PAX7: variants seen among roughly 807,000 people sequenced by gnomAD.
The protein encoded by PAX7 is paired box protein Pax-7.
PAX7 carries 18 observed loss-of-function variants against 50.7 expected under a neutral mutation model. That is an observed-to-expected ratio of 0.36 (90% CI 0.25 to 0.53). The LOEUF (loss-of-function observed/expected upper bound fraction) is 0.53, where lower values mean the gene tolerates loss of function less well. Among genes scored for constraint, PAX7 ranks in the 20% least tolerant of loss-of-function variants. The pLI, the probability that PAX7 is intolerant of heterozygous loss-of-function variation, is 0.93. For missense variants in PAX7, 644 were observed against 702.9 expected, an observed-to-expected ratio of 0.92 and a Z score of 0.95; for synonymous variants, 310 against 290.4, an observed-to-expected ratio of 1.07 and a Z score of -0.69.
At chr1:18,646,354 G>A (rs1020444348) in intron 4 of PAX7, among the ~76,000 whole-genome samples, 1 of 152,056 alleles carries the variant, frequency 6.6e-6, no homozygotes, top group African/African-American at 2.4e-5. Flanking sequence ...CCTGTTACAG[G>A]CAATTACTGC....
intron 4 of PAX7, among the ~76,000 whole-genome samples, chr1:18,666,192 C>T (rs1260423627): frequency 6.6e-6 from 1 of 152,192 alleles, no homozygotes; most frequent in Non-Finnish European, 1.5e-5. Context: ...AGTTCATTTG[C>T]ACCTCCTTTC....
chr1:18,746,054 C>T lies in PAX7; in HGVS notation c.*1125C>T, dbSNP rs1174074914. 2 of 231,500 alleles carry T rather than the reference C, an allele frequency of 8.6e-6. No individual in the cohort carries two copies. The highest frequency in any genetic ancestry group is 2.2e-5 in the African/African-American group (1 of 45,246). The allele number at this position is 231,500 out of a possible 1,614,324, so 14.3% of individuals were successfully genotyped here. On this transcript the variant is annotated 3_prime_UTR_variant, in exon 9 of 9. Transcript: ENST00000420770. The stretch of plus-strand genomic sequence containing the variant: ...CCTCTAGGAAGAGGTCTCCATCTTC[C>T]CCAAACCCCTTTCAGTTTGTGGGGA...
In PAX7 at chr1:18,698,455, C is replaced by G. The variant is rs189074790; in HGVS notation, c.787-2198C>G. ...CACCAAACTGAGACCCCTCTTCCCCCCTTCTCCATGCCCAGGAGGCCTGGG... is the reference window on the plus strand; with the variant it reads ...CACCAAACTGAGACCCCTCTTCCCCGCTTCTCCATGCCCAGGAGGCCTGGG... On this transcript the variant is annotated intron_variant, in intron 5 of 8. Coordinates refer to ENST00000420770, the MANE Select transcript of PAX7 (RefSeq NM_001135254.2). Among the ~76,000 whole-genome samples the G allele has an allele frequency of 3.7e-3, 562 of 152,318 alleles. 3 individuals are homozygous for G. Among genetic ancestry groups the G allele is most frequent in the South Asian group, 0.014 (68 of 4,828 alleles).
At chr1:18,736,149 C>A (rs55742214) in intron 8 of PAX7, 32,861 of 627,102 alleles carry the variant, frequency 0.052, 1,033 homozygotes, top group East Asian at 0.066. Flanking sequence ...CTTAACATTT[C>A]TAGTGGCCAC....
At chr1:18,650,327 G>C (rs902925684) in intron 4 of PAX7, among the ~76,000 whole-genome samples, 5 of 152,274 alleles carry the variant, frequency 3.3e-5, no homozygotes, top group African/African-American at 1.2e-4. Flanking sequence ...CTGGTCAAGA[G>C]ACACTGACAT....
chr1:18,657,711 G>A (rs1041196919), intron 4 of PAX7, among the ~76,000 whole-genome samples: 7 of 152,086 alleles, frequency 4.6e-5, no homozygotes, highest in African/African-American at 1.7e-4. Context: ...CGACTGCAGT[G>A]GTGGTGTGTT....
intron 3 of PAX7, among the ~76,000 whole-genome samples, chr1:18,635,877 G>A (rs1169579138): frequency 1.3e-5 from 2 of 152,008 alleles, no homozygotes; most frequent in East Asian, 3.9e-4. Flanking sequence ...ATGCACACCT[G>A]AGTGTGGGAG....
chr1:18,634,179 G>A lies in PAX7; in HGVS notation c.86-124G>A, dbSNP rs551556754. The stretch of plus-strand genomic sequence containing the variant: ...CCGAAGCCCCAGTGTGAGGACCACC[G>A]GGATTGCTGTCTGAGGTCTTGGGGC... On this transcript the variant is annotated intron_variant, in intron 1 of 8. Coordinates refer to ENST00000420770, the MANE Select transcript of PAX7 (RefSeq NM_001135254.2). This position sits in a 1 kb window ranked among gnomAD's most constrained non-coding sequence, Gnocchi z 4.0. The A allele has an allele frequency of 7.5e-5, 52 of 692,444 alleles. No homozygotes were observed. The highest frequency in any genetic ancestry group is 2.5e-4 in the Middle Eastern group (1 of 4,056). The allele number at this position is 692,444 out of a possible 1,614,324, so 42.9% of individuals were successfully genotyped here. A position where few individuals can be genotyped will look rare whatever the true frequency, so the allele number is the denominator to read the frequency against.
chr1:18,679,090 C>T (rs1346187860), intron 4 of PAX7, among the ~76,000 whole-genome samples: 2 of 152,178 alleles, frequency 1.3e-5, no homozygotes, highest in East Asian at 1.9e-4. Context: ...ACACCAGCAG[C>T]GGTTTGAACG....
rs560409446 is a variant in PAX7, at chr1:18,707,917, G to C, written c.1155+4621G>C. ...CTCATGTGGTGGATGAGAAAACTGA[G>C]GCCAATGACTCAGGTTAGGGACCAA... On this transcript the variant is annotated intron_variant, in intron 7 of 8. Coordinates refer to ENST00000420770, the MANE Select transcript of PAX7 (RefSeq NM_001135254.2). Among the ~76,000 whole-genome samples the C allele has an allele frequency of 3.6e-4, 55 of 152,184 alleles. 3 individuals are homozygous for C. In the South Asian group the frequency reaches 0.011, roughly 31 times the overall value.
chr1:18,734,314 C>T (rs1406723287), intron 7 of PAX7, among the ~76,000 whole-genome samples: 1 of 152,126 alleles, frequency 6.6e-6, no homozygotes, highest in Non-Finnish European at 1.5e-5. Context: ...CAGGGTCTTC[C>T]TCCCATAAAG....
At chr1:18,703,006 G>T in intron 6 of PAX7, 88 bp from the exon 7 acceptor site, 2 of 1,177,698 alleles carry the variant, frequency 1.7e-6, no homozygotes, top group Non-Finnish European at 2.5e-6. Flanking sequence ...ACCGGGAGGA[G>T]GAGTCTCTTG....
At chr1:18,687,274 C>T (rs1057223160) in intron 4 of PAX7, among the ~76,000 whole-genome samples, 4 of 151,992 alleles carry the variant, frequency 2.6e-5, no homozygotes, top group South Asian at 4.2e-4. Flanking sequence ...ATTTTTATAG[C>T]GGAGAAAACC....
chr1:18,674,234 G>A (rs1205770173), intron 4 of PAX7, among the ~76,000 whole-genome samples: 1 of 152,224 alleles, frequency 6.6e-6, no homozygotes, highest in East Asian at 1.9e-4. Context: ...TCTTGGAGCG[G>A]AAACAGGGTT....
chr1:18,672,459 A>G (rs1329871145), intron 4 of PAX7, among the ~76,000 whole-genome samples: 1 of 152,146 alleles, frequency 6.6e-6, no homozygotes, highest in African/African-American at 2.4e-5. Context: ...CAGCAGAACC[A>G]TGGCTGGCAG....
At chr1:18,635,067 C>A (rs780899110) in intron 2 of PAX7, 44 bp from the exon 3 acceptor site, 1 of 1,606,540 alleles carries the variant, frequency 6.2e-7, no homozygotes, top group Non-Finnish European at 8.5e-7. Context: ...TTCCTCCCCC[C>A]ATCCCATCTT....
intron 4 of PAX7, among the ~76,000 whole-genome samples, chr1:18,652,812 C>T (rs1027206834): frequency 2.0e-5 from 3 of 152,196 alleles, no homozygotes; most frequent in African/African-American, 4.8e-5. Context: ...TCACTGGACA[C>T]CTGTGCCCTC....
intron 4 of PAX7, among the ~76,000 whole-genome samples, chr1:18,639,848 CG>C (rs2088222676): frequency 6.6e-6 from 1 of 152,110 alleles, no homozygotes. Context: ...CAAAACTGAC[CG>C]GATCAGACCA....
At position 18,713,167 on chromosome 1, in the gene PAX7, G is replaced by T. The variant is rs58986120; in HGVS notation, c.1155+9871G>T. Among the ~76,000 whole-genome samples, 980 of 152,254 alleles carry T rather than the reference G, an allele frequency of 6.4e-3. 33 individuals are homozygous for T. In the East Asian group the frequency reaches 0.093, roughly 14 times the overall value. On this transcript the variant is annotated intron_variant, in intron 7 of 8. Transcript: ENST00000420770. ...CATCCAAACTCCACACCTCCAGAGGGTGTGGGCAGGAGCTGACCTCTGCCC... is the reference window on the plus strand; with the variant it reads ...CATCCAAACTCCACACCTCCAGAGGTTGTGGGCAGGAGCTGACCTCTGCCC...
Sources: allele counts gnomAD v4.1 joint callset (sites outside exome capture counted in the v4.1 genomes callset), GRCh38; gene constraint gnomAD v4.1.1; non-coding constraint Gnocchi (gnomAD v3.1); transcripts MANE v1.5; gene names NCBI Gene and HGNC (gene_info 2026-07-23, HGNC 2026-07-21).